STEAP4: variants seen among roughly 807,000 people sequenced by gnomAD.
The protein encoded by STEAP4 is metalloreductase STEAP4.
STEAP4 carries 36 observed loss-of-function variants against 43.6 expected under a neutral mutation model. That is an observed-to-expected ratio of 0.83 (90% CI 0.63 to 1.09). The LOEUF is 1.09. Among genes scored for constraint, STEAP4 ranks in the 50% least tolerant of loss-of-function variants. The pLI is 0.00. For synonymous variants in STEAP4, 191 were observed against 196.7 expected (o/e 0.97, Z 0.24); for missense variants, 495 against 546.5 (o/e 0.91, Z 0.94).
chr7:88,271,698 C>G lies in STEAP4; in HGVS notation c.*7700G>C, dbSNP rs146381164. 11 of 152,276 alleles carry G rather than the reference C, an allele frequency of 7.2e-5. No individual in the cohort carries two copies. The highest frequency in any genetic ancestry group is 2.4e-4 in the African/African-American group (10 of 41,566). 9.4% of individuals were successfully genotyped at this position (152,276 alleles called of 1,614,324 possible). ...AGCATAAATTCTCAGGAGTGAGACTCCTGGATCAAAACTTAACTCTGCATT... is the reference window on the plus strand; with the variant it reads ...AGCATAAATTCTCAGGAGTGAGACTGCTGGATCAAAACTTAACTCTGCATT... On this transcript the variant is annotated 3_prime_UTR_variant, in exon 5 of 5. Coordinates refer to ENST00000380079, the MANE Select transcript of STEAP4 (RefSeq NM_024636.4).
At chr7:88,280,822 G>T in intron 4 of STEAP4, 93 bp downstream of exon 4, 1 of 1,292,472 alleles carries the variant, frequency 7.7e-7, no homozygotes, top group South Asian at 1.6e-5. Context: ...TTTGTACCTG[G>T]GTTCAACATT....
chr7:88,291,351 G>A (rs527924713), intron 1 of STEAP4, among the ~76,000 whole-genome samples: 24 of 152,088 alleles, frequency 1.6e-4, no homozygotes, highest in African/African-American at 5.8e-4. Flanking sequence ...GCCAGGTGTG[G>A]TGGAACACAC....
At chr7:88,301,792 T>C (rs1017683591) in intron 1 of STEAP4, among the ~76,000 whole-genome samples, 1 of 152,164 alleles carries the variant, frequency 6.6e-6, no homozygotes, top group African/African-American at 2.4e-5. Context: ...GCCAGGCTCA[T>C]CTTGAACTCC....
chr7:88,276,197 A>C lies in STEAP4; in HGVS notation c.*3201T>G, dbSNP rs1249095298. 2 of 152,184 alleles carry C rather than the reference A, an allele frequency of 1.3e-5. No homozygotes were observed. Among genetic ancestry groups the C allele is most frequent in the African/African-American group, 2.4e-5 (1 of 41,426 alleles). 9.4% of individuals were successfully genotyped at this position (152,184 alleles called of 1,614,324 possible). A position where few individuals can be genotyped will look rare whatever the true frequency, so the allele number is the denominator to read the frequency against. ...TCTCCCCTCTCTGAGGGTAATACTGAAGCACACACAGCATACTGGACTGTG... is the reference window on the plus strand; with the variant it reads ...TCTCCCCTCTCTGAGGGTAATACTGCAGCACACACAGCATACTGGACTGTG... On this transcript the variant is annotated 3_prime_UTR_variant, in exon 5 of 5. Coordinates refer to ENST00000380079, the MANE Select transcript of STEAP4 (RefSeq NM_024636.4).
chr7:88,289,298 G>A (rs141429686), intron 1 of STEAP4, among the ~76,000 whole-genome samples: 1 of 152,226 alleles, frequency 6.6e-6, no homozygotes, highest in East Asian at 1.9e-4. Flanking sequence ...AGTAACCAAT[G>A]GAGAAGAGTA....
intron 1 of STEAP4, among the ~76,000 whole-genome samples, chr7:88,306,039 T>C (rs755578959): frequency 5.9e-5 from 9 of 152,190 alleles, no homozygotes; most frequent in Non-Finnish European, 1.3e-4. Flanking sequence ...TGGCTAATTT[T>C]TGTATTTTTA....
At position 88,283,000 on chromosome 7, in the gene STEAP4, C is replaced by T. The variant is rs746916003; in HGVS notation, c.625G>A (p.Val209Met). The T allele has an allele frequency of 1.4e-5, 22 of 1,613,682 alleles. No individual in the cohort carries two copies. Among genetic ancestry groups the T allele is most frequent in the Non-Finnish European group, 1.8e-5 (21 of 1,179,828 alleles). The change falls in exon 3 of 5, where the codon GTG becomes ATG. Residue 209 changes from valine to methionine, a missense_variant. Val to Met is a conservative substitution (Grantham distance 21, BLOSUM62 1). Transcript: ENST00000380079. ...MWRFPFYLSA[V>M]LCVFLFFYCV... is the part of the protein sequence containing the mutation. ...TAGAAAAACAAGAAGACACACAGCA[C>T]AGCAGACAAATAGAAGGGGAACCTC... is the stretch of plus-strand genomic sequence containing the variant.
In STEAP4 at chr7:88,275,605, GT is replaced by G. The variant is rs1339727150; in HGVS notation, c.*3792del. ...CTATCTGTGGGCTCTCATGGGGTGTGTGTGTGTGTGTGTGTGTGTGTGTGTG... is the reference window on the plus strand; with the variant it reads ...CTATCTGTGGGCTCTCATGGGGTGTGGTGTGTGTGTGTGTGTGTGTGTGTG... On this transcript the variant is annotated 3_prime_UTR_variant, in exon 5 of 5. Transcript: ENST00000380079. 9.0e-4 allele frequency: 133 copies of G among 147,778 alleles called. No homozygotes were observed. Among genetic ancestry groups the G allele is most frequent in the South Asian group, 3.0e-3 (14 of 4,712 alleles). 9.2% of individuals were successfully genotyped at this position (147,778 alleles called of 1,614,324 possible).
At position 88,279,453 on chromosome 7, in the gene STEAP4, A is replaced by G. The variant is rs1318377998; in HGVS notation, c.1325T>C (p.Val442Ala). The G allele has an allele frequency of 6.2e-7, 1 of 1,613,994 alleles. No homozygotes were observed. Among genetic ancestry groups the G allele is most frequent in the Non-Finnish European group, 8.5e-7 (1 of 1,180,014 alleles). The change falls in exon 5 of 5, where the codon GTA becomes GCA. Residue 442 changes from valine to alanine, a missense_variant. Physicochemically the swap from Val to Ala is moderately conservative, Grantham distance 64 (BLOSUM62 0). Transcript: ENST00000380079. ...VIKFVLIMPC[V>A]DNTLTRIRQG... ...GCGGATCCTTGTAAGGGTGTTGTCT[A>G]CACATGGCATGATTAGGACAAACTT... is the stretch of plus-strand genomic sequence containing the variant.
chr7:88,298,466 AACACACACACACACACACAC>A (rs35424721), intron 1 of STEAP4: 1 of 141,316 alleles, frequency 7.1e-6, no homozygotes, highest in African/African-American at 2.7e-5. Context: ...GGTTCTTGTA[AACACACACACACACACACAC>A]ACACACACAC....
chr7:88,304,093 C>T (rs533405603), intron 1 of STEAP4: 1 of 152,138 alleles, frequency 6.6e-6, no homozygotes, highest in African/African-American at 2.4e-5. Flanking sequence ...GAACAAAAAA[C>T]CAAACACCGC....
At chr7:88,293,945 A>C (rs1040068365) in intron 1 of STEAP4, among the ~76,000 whole-genome samples, 1 of 152,166 alleles carries the variant, frequency 6.6e-6, no homozygotes, top group Non-Finnish European at 1.5e-5. Context: ...AAATTTTAGA[A>C]TAATCTTGTC....
chr7:88,285,756 CAAAA>C (rs371254467), intron 1 of STEAP4, among the ~76,000 whole-genome samples: 1 of 78,382 alleles, frequency 1.3e-5, no homozygotes, highest in Non-Finnish European at 2.5e-5. Context: ...GACTTTGTCT[CAAAA>C]AAAAAAAAAA....
chr7:88,304,500 A>G (rs1853095800), intron 1 of STEAP4: 1 of 152,132 alleles, frequency 6.6e-6, no homozygotes, highest in African/African-American at 2.4e-5. Flanking sequence ...CTGCATTGTT[A>G]TAGTAAGAAT....
chr7:88,277,922 G>A lies in STEAP4; in HGVS notation c.*1476C>T, dbSNP rs1180262294. ...AAGCCTTTAGAAAAACAAAGCCTTT[G>A]AAAAAGGATGTAAAATTGAATATAT... On this transcript the variant is annotated 3_prime_UTR_variant, in exon 5 of 5. Coordinates refer to ENST00000380079, the MANE Select transcript of STEAP4 (RefSeq NM_024636.4). 1 of 151,892 alleles carries A rather than the reference G, an allele frequency of 6.6e-6. No homozygotes were observed. Among genetic ancestry groups the A allele is most frequent in the Non-Finnish European group, 1.5e-5 (1 of 67,972 alleles). The allele number at this position is 151,892 out of a possible 1,614,324, so 9.4% of individuals were successfully genotyped here.
Position 88,282,381 on chromosome 7 carries a change from A to G in STEAP4, c.984+260T>C, listed in dbSNP as rs956806060. On this transcript the variant is annotated intron_variant, in intron 3 of 4. Transcript: ENST00000380079. The stretch of plus-strand genomic sequence containing the variant: ...CCAGGATGGTCTTGATCTCTTGACC[A>G]CATGATTCACCTGCCTCGGAATCCC... 65 of 491,282 alleles carry G rather than the reference A, an allele frequency of 1.3e-4. 1 individual carries two copies. Among genetic ancestry groups the G allele is most frequent in the East Asian group, 1.1e-3 (35 of 30,562 alleles). The allele number at this position is 491,282 out of a possible 1,614,324, so 30.4% of individuals were successfully genotyped here.
chr7:88,306,118 C>G (rs1248370611), intron 1 of STEAP4, among the ~76,000 whole-genome samples: 2 of 152,220 alleles, frequency 1.3e-5, no homozygotes, highest in Non-Finnish European at 2.9e-5. Context: ...ATCCATCGGC[C>G]TTGGCCTCCC....
chr7:88,290,252 T>C (rs1424209380), intron 1 of STEAP4: 1 of 152,228 alleles, frequency 6.6e-6, no homozygotes, highest in Non-Finnish European at 1.5e-5. Context: ...AATGAAGATA[T>C]TGACTTCATG....
In STEAP4 at chr7:88,282,731, C is replaced by A; in HGVS notation, c.894G>T (p.Leu298=). 1 of 1,613,972 alleles carries A rather than the reference C, an allele frequency of 6.2e-7. No homozygotes were observed. Among genetic ancestry groups the A allele is most frequent in the Non-Finnish European group, 8.5e-7 (1 of 1,180,000 alleles). Residue 298 remains leucine (L), a synonymous_variant, in exon 3 of 5, where the codon CTG becomes CTT. Coordinates refer to ENST00000380079, the MANE Select transcript of STEAP4 (RefSeq NM_024636.4). ...AGAGGACATGAAGGAAGGCAAATCCCAGAGCTACCAAGCCAAGCTGCTTTC... is the reference window on the plus strand; with the variant it reads ...AGAGGACATGAAGGAAGGCAAATCCAAGAGCTACCAAGCCAAGCTGCTTTC... ...LCRKQLGLVA[L]GFAFLHVLYT...
Sources: allele counts gnomAD v4.1 joint callset (sites outside exome capture counted in the v4.1 genomes callset), GRCh38; gene constraint gnomAD v4.1.1; transcripts MANE v1.5; gene names NCBI Gene and HGNC (gene_info 2026-07-23, HGNC 2026-07-21).